The following LDB2 variants were observed in gnomAD, a reference collection of about 807,000 sequenced individuals.
LDB2 encodes the protein LIM domain binding 2, also known as LIM domain-binding protein 2.
In LDB2, 12 loss-of-function variants were observed where a neutral mutation model predicts 44.3. The observed-to-expected ratio is 0.27, with a 90% CI of 0.17 to 0.44. The LOEUF (loss-of-function observed/expected upper bound fraction) is 0.44. Ranked by LOEUF, LDB2 falls within the 20% of genes least tolerant of loss-of-function variation. LDB2 has a pLI of 1.00. For synonymous variants in LDB2, 164 were observed against 174.8 expected, an observed-to-expected ratio of 0.94 and a Z score of 0.49; for missense variants, 344 against 473.5, an observed-to-expected ratio of 0.73 and a Z score of 2.54.
chr4:16,699,363 C>T (rs187861342), intron 2 of LDB2, among the ~76,000 whole-genome samples: 1 of 152,288 alleles, frequency 6.6e-6, no homozygotes, highest in East Asian at 1.9e-4. Flanking sequence ...CGTAGTAAAT[C>T]CTGCTACAGA....
At chr4:16,720,540 C>G (rs1560991627) in intron 2 of LDB2, among the ~76,000 whole-genome samples, 1 of 152,124 alleles carries the variant, frequency 6.6e-6, no homozygotes, top group Admixed American at 6.6e-5. Context: ...TGAGTTCAAA[C>G]ACAAATCTCC....
chr4:16,669,962 C>T (rs1301461419), intron 2 of LDB2, among the ~76,000 whole-genome samples: 1 of 152,234 alleles, frequency 6.6e-6, no homozygotes, highest in Non-Finnish European at 1.5e-5. Flanking sequence ...GGAACATAGC[C>T]ATGCACATTT....
At chr4:16,690,483 G>GAAGAC (rs1750405335) in intron 2 of LDB2, among the ~76,000 whole-genome samples, 1 of 10,134 alleles carries the variant, frequency 9.9e-5, no homozygotes, top group Non-Finnish European at 1.8e-4. Flanking sequence ...GGAAGGAAGG[G>GAAGAC]AGGGAGGGAG....
At chr4:16,742,362 G>A (rs781025259) in intron 2 of LDB2, among the ~76,000 whole-genome samples, 54 of 152,094 alleles carry the variant, frequency 3.6e-4, no homozygotes, top group Non-Finnish European at 6.9e-4. Flanking sequence ...TAGCCACCGC[G>A]CCCAGCCAAC....
chr4:16,576,503 G>A (rs987957919), intron 5 of LDB2, among the ~76,000 whole-genome samples: 13 of 152,234 alleles, frequency 8.5e-5, no homozygotes, highest in African/African-American at 2.9e-4. Context: ...CAAATTCCCA[G>A]ACACAGGCAA....
At chr4:16,513,534 T>C (rs540756503) in intron 5 of LDB2, among the ~76,000 whole-genome samples, 238 of 152,328 alleles carry the variant, frequency 1.6e-3, no homozygotes, top group African/African-American at 5.6e-3. Context: ...TAAAGAGTGA[T>C]TCTTAGAAAG....
chr4:16,644,872 G>T lies in LDB2; in HGVS notation c.236-48997C>A, dbSNP rs78063069. Among the ~76,000 whole-genome samples the T allele has an allele frequency of 3.4e-3, 512 of 152,074 alleles. 2 individuals carry two copies. Among genetic ancestry groups the T allele is most frequent in the African/African-American group, 0.012 (484 of 41,456 alleles). On this transcript the variant is annotated intron_variant, in intron 2 of 7. Coordinates refer to ENST00000304523, the MANE Select transcript of LDB2 (RefSeq NM_001290.5). The stretch of plus-strand genomic sequence containing the variant: ...GATATTCAGGTCAAGTAGCTTTCAG[G>T]CACCCTTATATTTTCCCTCTTCCAC...
intron 2 of LDB2, among the ~76,000 whole-genome samples, chr4:16,662,885 G>T (rs1029690287): frequency 2.0e-5 from 3 of 151,688 alleles, no homozygotes; most frequent in Non-Finnish European, 4.4e-5. Flanking sequence ...ATATGAAAAT[G>T]GACTAATACA....
At chr4:16,772,255 TTTTG>T (rs1310969956) in intron 1 of LDB2, among the ~76,000 whole-genome samples, 9 of 152,332 alleles carry the variant, frequency 5.9e-5, no homozygotes, top group South Asian at 2.1e-4. Flanking sequence ...GATCATTCAA[TTTTG>T]TTTGTTTGTC....
In LDB2 at chr4:16,759,757, G is replaced by T. The variant is rs79606637; in HGVS notation, c.133-497C>A. Among the ~76,000 whole-genome samples, 979 of 152,276 alleles carry T rather than the reference G, an allele frequency of 6.4e-3. 10 individuals carry two copies. The highest frequency in any genetic ancestry group is 0.023 in the African/African-American group (938 of 41,558). On this transcript the variant is annotated intron_variant, in intron 1 of 7. Transcript: ENST00000304523. ...TATCCCTATAAAAGATACAGGTACA[G>T]ATACATGGATGGATAGATTGATAGA... is the stretch of plus-strand genomic sequence containing the variant.
At chr4:16,552,966 C>A (rs1209216948) in intron 5 of LDB2, among the ~76,000 whole-genome samples, 2 of 152,140 alleles carry the variant, frequency 1.3e-5, no homozygotes, top group African/African-American at 4.8e-5. Context: ...CAGGGCAGGC[C>A]TGAAGTGTAG....
intron 3 of LDB2, among the ~76,000 whole-genome samples, chr4:16,593,239 T>C (rs1321980752): frequency 6.6e-6 from 1 of 152,180 alleles, no homozygotes; most frequent in African/African-American, 2.4e-5. Context: ...AACACTGCGA[T>C]GCTGCCTGCA....
At chr4:16,504,704 A>G (rs1718658650) in intron 7 of LDB2, among the ~76,000 whole-genome samples, 1 of 152,220 alleles carries the variant, frequency 6.6e-6, no homozygotes, top group Non-Finnish European at 1.5e-5. Flanking sequence ...CATGAATGGT[A>G]TTCAGTTAGC....
At chr4:16,734,728 G>A (rs1761516947) in intron 2 of LDB2, among the ~76,000 whole-genome samples, 1 of 130,338 alleles carries the variant, frequency 7.7e-6, no homozygotes, top group Non-Finnish European at 1.6e-5. Context: ...TTTTTTTTGA[G>A]ATGGAGTTTT....
intron 1 of LDB2, among the ~76,000 whole-genome samples, chr4:16,828,551 T>A (rs769868106): frequency 1.4e-4 from 22 of 152,190 alleles, no homozygotes; most frequent in Non-Finnish European, 2.8e-4. Context: ...CAGTGCTAGA[T>A]TACAAAATAT....
chr4:16,523,407 A>T (rs1386923197), intron 5 of LDB2, among the ~76,000 whole-genome samples: 1 of 152,214 alleles, frequency 6.6e-6, no homozygotes, highest in Non-Finnish European at 1.5e-5. Flanking sequence ...CATTAAGTCG[A>T]GAACTTTTAC....
intron 5 of LDB2, among the ~76,000 whole-genome samples, chr4:16,517,917 GGA>G (rs1577319951): frequency 6.6e-6 from 1 of 150,670 alleles, no homozygotes; most frequent in East Asian, 2.0e-4. Flanking sequence ...ATGGATGGAT[GGA>G]TGGATGGATA....
At chr4:16,663,957 C>G (rs1742312819) in intron 2 of LDB2, among the ~76,000 whole-genome samples, 1 of 152,112 alleles carries the variant, frequency 6.6e-6, no homozygotes, top group South Asian at 2.1e-4. Context: ...CACAGACATT[C>G]TCAATTTCCT....
At chr4:16,516,599 T>G (rs1408212141) in intron 5 of LDB2, among the ~76,000 whole-genome samples, 1 of 152,092 alleles carries the variant, frequency 6.6e-6, no homozygotes, top group African/African-American at 2.4e-5. Flanking sequence ...ACGGTGGGGG[T>G]GACCTGTTTG....
Sources: allele counts gnomAD v4.1 joint callset (sites outside exome capture counted in the v4.1 genomes callset), GRCh38; gene constraint gnomAD v4.1.1; transcripts MANE v1.5; gene names NCBI Gene and HGNC (gene_info 2026-07-23, HGNC 2026-07-21).